The following LRP1B variants were observed in gnomAD, a reference collection of about 807,000 sequenced individuals.
The protein encoded by LRP1B is low-density lipoprotein receptor-related protein 1B.
In LRP1B, 217 loss-of-function variants were observed where a neutral mutation model predicts 556.6. The ratio of observed to expected loss-of-function variants is 0.39; its 90% CI spans 0.35 to 0.44. The LOEUF is 0.44. LRP1B is among the 20% of genes least tolerant of loss of function. The pLI, the probability that LRP1B is intolerant of heterozygous loss-of-function variation, is 1.00. For missense variants in LRP1B, 5,053 were observed against 5,620.8 expected, an observed-to-expected ratio of 0.90 and a Z score of 3.23; for synonymous variants, 2,047 against 1,865.8, an observed-to-expected ratio of 1.10 and a Z score of -2.50.
chr2:141,949,042 T>C (rs1223862459), intron 1 of LRP1B, among the ~76,000 whole-genome samples: 4 of 152,152 alleles, frequency 2.6e-5, no homozygotes, highest in Non-Finnish European at 5.9e-5. Flanking sequence ...ATAGATATTC[T>C]GAAGGGAATG....
At chr2:141,219,157 G>A (rs186709654) in intron 6 of LRP1B, among the ~76,000 whole-genome samples, 4 of 152,326 alleles carry the variant, frequency 2.6e-5, no homozygotes, top group African/African-American at 9.6e-5. Flanking sequence ...ATCCAATCGG[G>A]TTGAGGCCAG....
intron 84 of LRP1B, among the ~76,000 whole-genome samples, chr2:140,288,178 A>G (rs970206526): frequency 2.0e-5 from 3 of 151,260 alleles, no homozygotes; most frequent in South Asian, 4.2e-4. Context: ...ACAGCTGACA[A>G]TGACATACTG....
At position 140,501,780 on chromosome 2, in the gene LRP1B, A is replaced by G. The variant is rs564601645; in HGVS notation, c.8757T>C (p.Gly2919=). The part of the protein sequence containing the change: ...LCDNKDDCGD[G]SDERNCHINE... ...TTATATGGCAGTTTCTCTCATCTGA[A>G]CCATCGCCACAGTCATCCTTATTGT... The change falls in exon 55 of 91, where the codon GGT becomes GGC. Residue 2919 remains glycine (G), a synonymous_variant. Coordinates refer to ENST00000389484, the MANE Select transcript of LRP1B (RefSeq NM_018557.3). 21 of 1,613,018 alleles carry G rather than the reference A, an allele frequency of 1.3e-5. No individual in the cohort carries two copies. In the East Asian group the frequency reaches 3.8e-4, roughly 29 times the overall value.
intron 1 of LRP1B, among the ~76,000 whole-genome samples, chr2:142,105,252 G>A (rs1486977671): frequency 6.6e-6 from 1 of 152,146 alleles, no homozygotes; most frequent in East Asian, 1.9e-4. Flanking sequence ...CCATTAAAGA[G>A]TTTTAGACAG....
intron 87 of LRP1B, among the ~76,000 whole-genome samples, chr2:140,241,956 T>C (rs1253410051): frequency 6.6e-6 from 1 of 150,742 alleles, no homozygotes; most frequent in East Asian, 2.0e-4. Flanking sequence ...TCAACAAGTT[T>C]CTCATAAAAA....
chr2:141,775,900 TG>T (rs1695054115), intron 2 of LRP1B, among the ~76,000 whole-genome samples: 2 of 150,816 alleles, frequency 1.3e-5, no homozygotes, highest in Non-Finnish European at 2.9e-5. Flanking sequence ...TGGAGTGCAG[TG>T]GCGCAATCTT....
intron 35 of LRP1B, among the ~76,000 whole-genome samples, chr2:140,726,775 T>C (rs1489710246): frequency 6.6e-6 from 1 of 152,092 alleles, no homozygotes; most frequent in African/African-American, 2.4e-5. Flanking sequence ...TAGCAAAATA[T>C]ACAAGTGTAA....
chr2:140,274,655 A>C, intron 84 of LRP1B, 57 bp from the exon 85 acceptor site: 1 of 1,438,928 alleles, frequency 6.9e-7, no homozygotes, highest in East Asian at 2.4e-5. Context: ...ATTTTTCTTC[A>C]GTCATAATTA....
At chr2:141,544,335 T>TTCTTCTTCTTCTTCTTCTTCTTCTTCTCC (rs1685431853) in intron 2 of LRP1B, among the ~76,000 whole-genome samples, 2 of 66,698 alleles carry the variant, frequency 3.0e-5, no homozygotes, top group African/African-American at 1.1e-4. Context: ...CTTCTTCTTC[T>TTCTTCTTCTTCTTCTTCTTCTTCTTCTCC]TCTTCTTCTT....
chr2:140,501,236 T>C (rs1689171575), intron 55 of LRP1B, among the ~76,000 whole-genome samples: 1 of 152,056 alleles, frequency 6.6e-6, no homozygotes, highest in Non-Finnish European at 1.5e-5. Flanking sequence ...GGATTTTTTA[T>C]GTCCTAATAA....
chr2:141,898,647 A>G (rs750629245), intron 1 of LRP1B, among the ~76,000 whole-genome samples: 2 of 152,136 alleles, frequency 1.3e-5, no homozygotes, highest in Non-Finnish European at 2.9e-5. Flanking sequence ...CTGTCAGACC[A>G]TATATGAAAG....
chr2:140,397,132 T>C (rs902363706), intron 66 of LRP1B, among the ~76,000 whole-genome samples: 7 of 152,108 alleles, frequency 4.6e-5, no homozygotes, highest in African/African-American at 1.7e-4. Context: ...TTATTATCTG[T>C]TTTTATTTTT....
intron 20 of LRP1B, among the ~76,000 whole-genome samples, chr2:140,939,618 A>T (rs1485718007): frequency 6.6e-6 from 1 of 150,818 alleles, no homozygotes; most frequent in Non-Finnish European, 1.5e-5. Flanking sequence ...ATCACATATG[A>T]CCCAGCATTA....
chr2:141,470,211 A>C (rs1428645978), intron 3 of LRP1B, among the ~76,000 whole-genome samples: 1 of 152,148 alleles, frequency 6.6e-6, no homozygotes, highest in Non-Finnish European at 1.5e-5. Flanking sequence ...GAAATTTCTA[A>C]AGTTTTTTAA....
chr2:140,618,313 G>T (rs1210721507), intron 41 of LRP1B, among the ~76,000 whole-genome samples: 1 of 152,004 alleles, frequency 6.6e-6, no homozygotes, highest in East Asian at 1.9e-4. Flanking sequence ...GTAATAATAG[G>T]AAAGAGTCAC....
intron 1 of LRP1B, among the ~76,000 whole-genome samples, chr2:142,097,322 A>T (rs1045266566): frequency 6.6e-6 from 1 of 151,684 alleles, no homozygotes; most frequent in Non-Finnish European, 1.5e-5. Flanking sequence ...TCTTTAGTCA[A>T]ATGCTCTTGA....
At chr2:140,264,680 CAA>C (rs11324295) in intron 86 of LRP1B, among the ~76,000 whole-genome samples, 47,331 of 150,396 alleles carry the variant, frequency 0.31, 7,720 homozygotes, top group Middle Eastern at 0.39. Context: ...CATAAAATGA[CAA>C]AAAAAAAAAT....
At position 141,712,284 on chromosome 2, in the gene LRP1B, T is replaced by C. The variant is rs189829032; in HGVS notation, c.205+97995A>G. On this transcript the variant is annotated intron_variant, in intron 2 of 90. Coordinates refer to ENST00000389484, the MANE Select transcript of LRP1B (RefSeq NM_018557.3). ...TGGGTTACTACCTTAAAATAGTGCC[T>C]TTTTAGTTTAATAAAATGTTACTTT... 5.3e-4 allele frequency among the ~76,000 whole-genome samples: 80 copies of C among 152,222 alleles called. 2 individuals are homozygous for C. The East Asian group carries it at 0.015, about 29-fold the overall frequency.
At chr2:141,628,081 G>C (rs572574488) in intron 2 of LRP1B, among the ~76,000 whole-genome samples, 1 of 152,082 alleles carries the variant, frequency 6.6e-6, no homozygotes, top group Non-Finnish European at 1.5e-5. Flanking sequence ...GAGCAAACAG[G>C]GTCTCTGATC....
Sources: allele counts gnomAD v4.1 joint callset (sites outside exome capture counted in the v4.1 genomes callset), GRCh38; gene constraint gnomAD v4.1.1; transcripts MANE v1.5; gene names NCBI Gene and HGNC (gene_info 2026-07-23, HGNC 2026-07-21).